The following PLCH1 variants were observed in gnomAD, a reference collection of about 807,000 sequenced individuals.
The protein encoded by PLCH1 is 1-phosphatidylinositol 4,5-bisphosphate phosphodiesterase eta-1.
A neutral mutation model predicts 126.7 loss-of-function variants in PLCH1; 60 were observed. That is an observed-to-expected ratio of 0.47 (90% CI 0.38 to 0.59). The LOEUF is 0.59. Among genes scored for constraint, PLCH1 ranks in the 20% least tolerant of loss-of-function variants. PLCH1 has a pLI of 0.00. For missense variants in PLCH1, 1,723 were observed against 2,040.0 expected, an observed-to-expected ratio of 0.84 and a Z score of 2.99; for synonymous variants, 719 against 734.9, an observed-to-expected ratio of 0.98 and a Z score of 0.35.
intron 2 of PLCH1, among the ~76,000 whole-genome samples, chr3:155,674,112 C>G (rs958139054): frequency 2.0e-5 from 3 of 152,060 alleles, no homozygotes; most frequent in Non-Finnish European, 4.4e-5. Context: ...ATAAAAACAC[C>G]TTCCTTACAT....
intron 2 of PLCH1, among the ~76,000 whole-genome samples, chr3:155,633,635 G>A (rs1010442012): frequency 2.0e-5 from 3 of 152,148 alleles, no homozygotes; most frequent in East Asian, 1.9e-4. Context: ...GAAACTCCAT[G>A]GTGGGCCAGG....
intron 1 of PLCH1, among the ~76,000 whole-genome samples, chr3:155,723,303 C>T (rs963809804): frequency 5.3e-5 from 8 of 152,138 alleles, no homozygotes; most frequent in African/African-American, 1.9e-4. Context: ...TGAATCATCT[C>T]TCTTCTTTTA....
intron 8 of PLCH1, among the ~76,000 whole-genome samples, chr3:155,563,265 T>G (rs1332496532): frequency 6.6e-6 from 1 of 152,178 alleles, no homozygotes; most frequent in East Asian, 1.9e-4. Context: ...GGAATCCTTA[T>G]CTTGCCCAGA....
intron 21 of PLCH1, among the ~76,000 whole-genome samples, chr3:155,470,188 G>T (rs1189581034): frequency 6.6e-6 from 1 of 151,246 alleles, no homozygotes; most frequent in Non-Finnish European, 1.5e-5. Flanking sequence ...AAAAAATTTA[G>T]AAGAATGTAT....
chr3:155,738,787 C>CAA (rs34836979), intron 1 of PLCH1, among the ~76,000 whole-genome samples: 186 of 119,794 alleles, frequency 1.6e-3, no homozygotes, highest in Middle Eastern at 8.4e-3. Flanking sequence ...ACTCCACCTC[C>CAA]AAAAAAAAAA....
intron 1 of PLCH1, among the ~76,000 whole-genome samples, chr3:155,716,939 T>C (rs944857086): frequency 2.0e-5 from 3 of 152,210 alleles, no homozygotes; most frequent in African/African-American, 7.2e-5. Flanking sequence ...CTTCCACCTA[T>C]GAGCCTGTAA....
chr3:155,658,975 G>T (rs1741770226), intron 2 of PLCH1, among the ~76,000 whole-genome samples: 1 of 152,146 alleles, frequency 6.6e-6, no homozygotes, highest in Non-Finnish European at 1.5e-5. Flanking sequence ...CAACTTAACT[G>T]GTTGACATGA....
chr3:155,744,364 T>C (rs535941596), intron 1 of PLCH1, among the ~76,000 whole-genome samples: 1 of 152,256 alleles, frequency 6.6e-6, no homozygotes, highest in Non-Finnish European at 1.5e-5. Context: ...CTGAGCAGGG[T>C]CACCGGGCGC....
At chr3:155,522,854 G>A (rs1290117989) in intron 11 of PLCH1, among the ~76,000 whole-genome samples, 3 of 150,800 alleles carry the variant, frequency 2.0e-5, no homozygotes, top group Non-Finnish European at 4.4e-5. Flanking sequence ...AATCACATGA[G>A]TTATAGAGTT....
intron 21 of PLCH1, among the ~76,000 whole-genome samples, chr3:155,454,574 G>A (rs1161442640): frequency 6.6e-6 from 1 of 152,192 alleles, no homozygotes; most frequent in Non-Finnish European, 1.5e-5. Context: ...ACTTGGCATG[G>A]GTCTGATTGG....
At chr3:155,603,543 TCTGGGCTCTGTCA>T (rs1734002074) in intron 2 of PLCH1, among the ~76,000 whole-genome samples, 1 of 152,168 alleles carries the variant, frequency 6.6e-6, no homozygotes, top group African/African-American at 2.4e-5. Flanking sequence ...AGAGTTCTGG[TCTGGGCTCTGTCA>T]CTGGCTGTGT....
chr3:155,541,042 G>GT (rs1724161212), intron 10 of PLCH1, among the ~76,000 whole-genome samples: 1 of 152,074 alleles, frequency 6.6e-6, no homozygotes, highest in East Asian at 1.9e-4. Context: ...TATATACACC[G>GT]TGGAATACTA....
At chr3:155,696,083 T>C (rs1329749569) in intron 2 of PLCH1, among the ~76,000 whole-genome samples, 4 of 152,164 alleles carry the variant, frequency 2.6e-5, no homozygotes, top group Admixed American at 2.0e-4. Flanking sequence ...AACACACTTT[T>C]GGAGTTAGCA....
At chr3:155,453,705 T>A (rs1475988745) in intron 21 of PLCH1, among the ~76,000 whole-genome samples, 1 of 151,610 alleles carries the variant, frequency 6.6e-6, no homozygotes, top group Non-Finnish European at 1.5e-5. Flanking sequence ...TGTTTCTATA[T>A]AAATTTCTGA....
chr3:155,554,401 A>G (rs1052256222), intron 8 of PLCH1, among the ~76,000 whole-genome samples: 11 of 152,192 alleles, frequency 7.2e-5, no homozygotes. Flanking sequence ...TCAAGACACA[A>G]TGATTTGGTT....
rs1302828007 is a variant in PLCH1, at chr3:155,458,499, AGAAAG to A, written c.2938+26852_2938+26856del. Among the ~76,000 whole-genome samples, 491 of 60,480 alleles carry A rather than the reference AGAAAG, an allele frequency of 8.1e-3. 15 individuals carry two copies. The highest frequency in any genetic ancestry group is 0.013 in the African/African-American group (27 of 2,158). The allele number at this position is 60,480 out of a possible 152,430, so 39.7% of individuals were successfully genotyped here. A position where few individuals can be genotyped will look rare whatever the true frequency, so the allele number is the denominator to read the frequency against. On this transcript the variant is annotated intron_variant, in intron 21 of 21. Coordinates refer to the PLCH1 transcript ENST00000494598. ...GAAAGAAAGAAAGAAAGAAAGAAAG[AGAAAG>A]AAGAGAGAGAAATAAGAAAGAGAAA...
rs115794040 is a variant in PLCH1 at position 155,564,005 on chromosome 3, A to T, written c.1069+910T>A. Among the ~76,000 whole-genome samples the T allele has an allele frequency of 1.2e-3, 189 of 152,212 alleles. 2 individuals are homozygous for T. Among genetic ancestry groups the T allele is most frequent in the African/African-American group, 3.8e-3 (156 of 41,534 alleles). On this transcript the variant is annotated intron_variant, in intron 8 of 22. Coordinates refer to ENST00000460012, the MANE Select transcript of PLCH1 (RefSeq NM_014996.4). The stretch of plus-strand genomic sequence containing the variant: ...AGACTGGAATGCAATAGCTATTCAC[A>T]GGCACAATCACAGCACACTGCAGCT...
At chr3:155,476,164 C>T (rs1035146653), downstream of PLCH1, among the ~76,000 whole-genome samples, 2 of 152,014 alleles carry the variant, frequency 1.3e-5, no homozygotes, top group African/African-American at 4.8e-5. Flanking sequence ...GCAAATCAAT[C>T]AGTATGATAC....
intron 19 of PLCH1, among the ~76,000 whole-genome samples, chr3:155,490,448 G>A (rs549652756): frequency 2.0e-5 from 3 of 152,108 alleles, no homozygotes; most frequent in East Asian, 1.9e-4. Flanking sequence ...TTGAGAAAAC[G>A]CATGTCATAA....
Sources: gnomAD v4.1 joint callset for allele counts (sites outside exome capture counted in the v4.1 genomes callset) on GRCh38, gnomAD v4.1.1 for gene constraint, MANE v1.5 for transcripts, NCBI Gene and HGNC (gene_info 2026-07-23, HGNC 2026-07-21) for gene names.